CDH17: variants seen among roughly 807,000 people sequenced by gnomAD.
CDH17 encodes the protein cadherin-17.
CDH17 carries 67 observed loss-of-function variants against 86.3 expected under a neutral mutation model. The observed-to-expected ratio is 0.78, with a 90% CI of 0.64 to 0.95. CDH17 has a LOEUF of 0.95. Ranked by LOEUF, CDH17 falls within the 40% of genes least tolerant of loss-of-function variation. The probability of loss-of-function intolerance (pLI) is 0.00; values close to 1 mark genes in which losing one functional copy is unlikely to be tolerated. For missense variants in CDH17, 993 were observed against 1,017.6 expected, an observed-to-expected ratio of 0.98 and a Z score of 0.33; for synonymous variants, 367 against 366.4, an observed-to-expected ratio of 1.00 and a Z score of -0.02.
chr8:94,165,032 G>A (rs1207653260), intron 10 of CDH17, among the ~76,000 whole-genome samples: 1 of 152,168 alleles, frequency 6.6e-6, no homozygotes, highest in Non-Finnish European at 1.5e-5. Flanking sequence ...TCCGAAAGAT[G>A]CTCTTCTCCT....
chr8:94,203,080 ACG>A (rs1220705341), intron 1 of CDH17: 1 of 182,498 alleles, frequency 5.5e-6, no homozygotes, highest in Non-Finnish European at 1.1e-5. Context: ...TGATGTTTAG[ACG>A]CTCTTGTCAT....
chr8:94,154,461 A>C (rs1812910912), intron 12 of CDH17, among the ~76,000 whole-genome samples: 1 of 152,200 alleles, frequency 6.6e-6, no homozygotes. Flanking sequence ...CTCAAAACTC[A>C]AGCCCCCAAA....
intron 2 of CDH17, among the ~76,000 whole-genome samples, chr8:94,189,683 A>T (rs953691081): frequency 1.4e-4 from 22 of 152,056 alleles, no homozygotes; most frequent in African/African-American, 5.3e-4. Flanking sequence ...TTCATAAAAC[A>T]CCTCCCTCCA....
chr8:94,131,786 G>A (rs538460122), intron 15 of CDH17, among the ~76,000 whole-genome samples: 46 of 152,006 alleles, frequency 3.0e-4, no homozygotes, highest in Non-Finnish European at 6.3e-4. Context: ...TCATCAACTC[G>A]TCATTTACAT....
chr8:94,196,828 G>A (rs962760359), intron 1 of CDH17, among the ~76,000 whole-genome samples: 15 of 152,080 alleles, frequency 9.9e-5, no homozygotes, highest in African/African-American at 2.9e-4. Flanking sequence ...TCAACACGGC[G>A]GCTCCATCTT....
intron 4 of CDH17, among the ~76,000 whole-genome samples, chr8:94,177,341 C>T (rs1813393084): frequency 6.6e-6 from 1 of 152,104 alleles, no homozygotes; most frequent in African/African-American, 2.4e-5. Context: ...ATAAGTAATG[C>T]CATCAGAGGG....
intron 2 of CDH17, among the ~76,000 whole-genome samples, chr8:94,194,292 G>C (rs1813739145): frequency 6.6e-6 from 1 of 152,206 alleles, no homozygotes; most frequent in African/African-American, 2.4e-5. Flanking sequence ...AAAAAAGAAA[G>C]TCAAGATTAA....
chr8:94,129,922 T>G (rs541575267), intron 17 of CDH17, among the ~76,000 whole-genome samples: 1 of 152,360 alleles, frequency 6.6e-6, no homozygotes, highest in African/African-American at 2.4e-5. Context: ...ATCCCCAAGA[T>G]ATCTCATCGT....
chr8:94,176,143 G>A (rs768013840), intron 5 of CDH17, among the ~76,000 whole-genome samples: 1 of 152,104 alleles, frequency 6.6e-6, no homozygotes, highest in Non-Finnish European at 1.5e-5. Flanking sequence ...TGGCTGAAGT[G>A]ATCCTCCCAC....
chr8:94,151,800 G>GCTC, intron 13 of CDH17, 68 bp downstream of exon 13: 1 of 1,598,000 alleles, frequency 6.3e-7, no homozygotes. Flanking sequence ...GTGCAGGCCA[G>GCTC]CTCCTCCTCC....
intron 3 of CDH17, among the ~76,000 whole-genome samples, chr8:94,183,497 CA>C (rs764843130): frequency 1.4e-4 from 22 of 152,028 alleles, no homozygotes; most frequent in Non-Finnish European, 8.8e-5. Context: ...GGTGCTAGAA[CA>C]ACTGGATATC....
At chr8:94,139,137 A>G (rs1048586321) in intron 15 of CDH17, among the ~76,000 whole-genome samples, 1 of 152,192 alleles carries the variant, frequency 6.6e-6, no homozygotes, top group African/African-American at 2.4e-5. Context: ...AGAAGTGTAG[A>G]TAGATACAGA....
chr8:94,177,575 G>C lies in CDH17; in HGVS notation c.285+12C>G, dbSNP rs187115114. The C allele has an allele frequency of 6.2e-7, 1 of 1,613,570 alleles. No homozygotes were observed. Among genetic ancestry groups the C allele is most frequent in the Admixed American group, 1.7e-5 (1 of 60,004 alleles). ...GGTTGGAGTTAGATCCCTTCAGCTG[G>C]TATCAATTTACCTGGAGATTGTGAG... On this transcript the variant is annotated intron_variant, in intron 4 of 17. Coordinates refer to ENST00000027335, the MANE Select transcript of CDH17 (RefSeq NM_004063.4).
chr8:94,128,248 T>G lies in CDH17; in HGVS notation c.2491A>C (p.Arg831=). 6.2e-7 allele frequency: 1 copy of G among 1,608,054 alleles called. No individual in the cohort carries two copies. The change falls in exon 18 of 18, where the codon AGA becomes CGA. Residue 831 remains arginine, a synonymous_variant. Coordinates refer to ENST00000027335, the MANE Select transcript of CDH17 (RefSeq NM_004063.4). The part of the protein sequence containing the change: ...SAQASEVKPL[R]S ...AACATTCCTTTTCAAATTCAGCTTC[T>G]CAGAGGTTTGACTTCAGATGCTTGA...
At chr8:94,206,040 A>G (rs1332791745) in intron 1 of CDH17, among the ~76,000 whole-genome samples, 2 of 152,250 alleles carry the variant, frequency 1.3e-5, no homozygotes, top group Non-Finnish European at 2.9e-5. Context: ...TCAAAAATGA[A>G]TAACTCAGAA....
At chr8:94,149,895 A>T (rs143932138) in intron 13 of CDH17, among the ~76,000 whole-genome samples, 1 of 152,216 alleles carries the variant, frequency 6.6e-6, no homozygotes, top group Admixed American at 6.5e-5. Context: ...CATCATAGTC[A>T]TGAGGATGTC....
At chr8:94,147,579 T>C (rs1812768701) in intron 14 of CDH17, among the ~76,000 whole-genome samples, 1 of 152,210 alleles carries the variant, frequency 6.6e-6, no homozygotes, top group African/African-American at 2.4e-5. Context: ...ATACATTTAC[T>C]AGCTAATTAG....
intron 1 of CDH17, chr8:94,197,477 C>G (rs1160796094): frequency 6.6e-6 from 1 of 152,246 alleles, no homozygotes; most frequent in Non-Finnish European, 1.5e-5. Flanking sequence ...GGATATACTA[C>G]TTCATCTTTC....
chr8:94,164,233 C>G (rs748594701), intron 10 of CDH17, among the ~76,000 whole-genome samples: 5 of 152,124 alleles, frequency 3.3e-5, no homozygotes, highest in Non-Finnish European at 5.9e-5. Context: ...TCAGAAATAC[C>G]TCTTCCAGAA....
Sources: gnomAD v4.1 joint callset for allele counts (sites outside exome capture counted in the v4.1 genomes callset) on GRCh38, gnomAD v4.1.1 for gene constraint, MANE v1.5 for transcripts, NCBI Gene and HGNC (gene_info 2026-07-23, HGNC 2026-07-21) for gene names.